The following AFAP1L2 variants were observed in gnomAD, a reference collection of about 807,000 sequenced individuals.
AFAP1L2 encodes the protein actin filament associated protein 1 like 2.
Under a neutral mutation model 99.3 loss-of-function variants are expected in AFAP1L2, and 46 were observed. That is an observed-to-expected ratio of 0.46 (90% CI 0.37 to 0.59). The LOEUF (loss-of-function observed/expected upper bound fraction) is 0.59. AFAP1L2 is among the 20% of genes least tolerant of loss of function. AFAP1L2 has a pLI of 0.00. For missense variants in AFAP1L2, 959 were observed against 1,034.9 expected (o/e 0.93, Z 1.01); for synonymous variants, 397 against 419.1 (o/e 0.95, Z 0.64).
chr10:114,372,919 T>C (rs1348006461), intron 1 of AFAP1L2, among the ~76,000 whole-genome samples: 4 of 152,268 alleles, frequency 2.6e-5, no homozygotes, highest in Non-Finnish European at 5.9e-5. Context: ...TTTCACTTGC[T>C]AATGTGCCTT....
Position 114,297,352 on chromosome 10 carries a change from G to T in AFAP1L2, c.2175C>A (p.Gly725=). Residue 725 remains glycine (G), a synonymous_variant, in exon 17 of 19, where the codon GGC becomes GGA. Coordinates refer to ENST00000304129, the MANE Select transcript of AFAP1L2 (RefSeq NM_001001936.3). ...KLKEIDEECR[G]EESRRVDLEL... is the part of the protein sequence containing the mutation. ...CCAGGTCCACGCGCCTGCTCTCCTC[G>T]CCCCGGCACTCCTCGTCAATTTCCT... is the stretch of plus-strand genomic sequence containing the variant. 6.2e-7 allele frequency: 1 copy of T among 1,613,628 alleles called. No individual in the cohort carries two copies. Among genetic ancestry groups the T allele is most frequent in the Non-Finnish European group, 8.5e-7 (1 of 1,180,000 alleles).
At position 114,386,387 on chromosome 10, in the gene AFAP1L2, C is replaced by T. The variant is rs562655509; in HGVS notation, c.16+18053G>A. 1.5e-4 allele frequency among the ~76,000 whole-genome samples: 23 copies of T among 151,828 alleles called. No individual in the cohort carries two copies. The East Asian group carries it at 4.1e-3, about 27-fold the overall frequency. ...CTGCACTCCAGACTGGGCAACAGAG[C>T]AAAACCCCATCTCCAAAAAAAGAAA... On this transcript the variant is annotated intron_variant, in intron 1 of 18. Coordinates refer to ENST00000304129, the MANE Select transcript of AFAP1L2 (RefSeq NM_001001936.3).
At chr10:114,306,326 C>CGCGGGGGCAGGAGGGGAG (rs2042397604) in intron 10 of AFAP1L2, among the ~76,000 whole-genome samples, 2 of 47,386 alleles carry the variant, frequency 4.2e-5, no homozygotes, top group African/African-American at 2.5e-4. Context: ...CAGGAGGGGA[C>CGCGGGGGCAGGAGGGGAG]GCGGGGGCAG....
At chr10:114,310,021 G>A (rs1013125801) in intron 8 of AFAP1L2, among the ~76,000 whole-genome samples, 1 of 152,092 alleles carries the variant, frequency 6.6e-6, no homozygotes, top group Non-Finnish European at 1.5e-5. Context: ...TCCGCCTCCT[G>A]GGTTCAAGTG....
intron 1 of AFAP1L2, among the ~76,000 whole-genome samples, chr10:114,393,946 C>T (rs1178920784): frequency 6.6e-6 from 1 of 152,230 alleles, no homozygotes; most frequent in Non-Finnish European, 1.5e-5. Context: ...CCTGGGAGGA[C>T]ACCAGTCCCT....
intron 1 of AFAP1L2, among the ~76,000 whole-genome samples, chr10:114,384,801 G>T (rs1002259335): frequency 2.6e-5 from 4 of 152,180 alleles, no homozygotes; most frequent in Non-Finnish European, 5.9e-5. Context: ...TCCTCCATGT[G>T]CCCACAGCAG....
intron 1 of AFAP1L2, among the ~76,000 whole-genome samples, chr10:114,401,119 G>A (rs916087705): frequency 2.6e-5 from 4 of 152,032 alleles, no homozygotes; most frequent in African/African-American, 7.3e-5. Context: ...CTAAGCGGGG[G>A]GACTGGATGA....
At chr10:114,310,266 T>C in intron 8 of AFAP1L2, 88 bp downstream of exon 8, 3 of 1,351,098 alleles carry the variant, frequency 2.2e-6, no homozygotes, top group Non-Finnish European at 3.1e-6. Context: ...GACTGAAATA[T>C]AAAAACGAAG....
chr10:114,389,265 A>T (rs1215954105), intron 1 of AFAP1L2, among the ~76,000 whole-genome samples: 2 of 152,144 alleles, frequency 1.3e-5, no homozygotes, highest in Non-Finnish European at 2.9e-5. Context: ...GGATTTTTTT[A>T]AAAAAGAAAG....
At chr10:114,376,461 G>A (rs2054813294) in intron 1 of AFAP1L2, among the ~76,000 whole-genome samples, 1 of 152,196 alleles carries the variant, frequency 6.6e-6, no homozygotes, top group South Asian at 2.1e-4. Context: ...CTAGCATATA[G>A]ACAGTCTAGA....
intron 18 of AFAP1L2, 171 bp downstream of exon 18, chr10:114,296,807 C>T: frequency 3.6e-6 from 4 of 1,121,900 alleles, no homozygotes; most frequent in South Asian, 1.5e-5. Flanking sequence ...TTGGTCAGTG[C>T]CAGAGACTGA....
intron 2 of AFAP1L2, 101 bp downstream of exon 2, chr10:114,340,502 A>G: frequency 6.9e-7 from 1 of 1,438,974 alleles, no homozygotes; most frequent in Non-Finnish European, 9.4e-7. Flanking sequence ...AGTGTCATTT[A>G]TAGCACCCAG....
Position 114,379,961 on chromosome 10 carries a change from C to A in AFAP1L2, c.16+24479G>T, listed in dbSNP as rs1409829719. 3.3e-5 allele frequency among the ~76,000 whole-genome samples: 5 copies of A among 152,224 alleles called. No homozygotes were observed. In the South Asian group the frequency reaches 6.2e-4, roughly 19 times the overall value. ...CTTTGTATGTTTTCTGTGGCAAATG[C>A]TTTTGCTATCCCTTTGTGAGGCGGC... is the stretch of plus-strand genomic sequence containing the variant. On this transcript the variant is annotated intron_variant, in intron 1 of 18. Coordinates refer to ENST00000304129, the MANE Select transcript of AFAP1L2 (RefSeq NM_001001936.3).
chr10:114,329,173 CA>C (rs1366231395), intron 4 of AFAP1L2, among the ~76,000 whole-genome samples: 1 of 152,148 alleles, frequency 6.6e-6, no homozygotes, highest in African/African-American at 2.4e-5. Flanking sequence ...AACAGGGACA[CA>C]AGCCCTAGTC....
At chr10:114,384,188 C>A (rs2056158733) in intron 1 of AFAP1L2, among the ~76,000 whole-genome samples, 1 of 152,166 alleles carries the variant, frequency 6.6e-6, no homozygotes, top group Non-Finnish European at 1.5e-5. Context: ...GTGAGAGGCA[C>A]CATCATTCAC....
chr10:114,365,243 C>A (rs2053048858), intron 1 of AFAP1L2, among the ~76,000 whole-genome samples: 1 of 152,140 alleles, frequency 6.6e-6, no homozygotes, highest in Non-Finnish European at 1.5e-5. Flanking sequence ...TGTTCTCTTC[C>A]ATTCCCAACC....
chr10:114,300,775 CTGG>C (rs1405364369), intron 13 of AFAP1L2, 85 bp from the exon 14 acceptor site: 14 of 1,498,798 alleles, frequency 9.3e-6, no homozygotes, highest in Non-Finnish European at 1.3e-5. Context: ...CCTCACAGTT[CTGG>C]TGCCCATCTC....
At chr10:114,314,653 A>C (rs2043823679) in intron 6 of AFAP1L2, among the ~76,000 whole-genome samples, 1 of 152,244 alleles carries the variant, frequency 6.6e-6, no homozygotes, top group Non-Finnish European at 1.5e-5. Context: ...TAACCAGGCA[A>C]GAAAAGGTGT....
intron 5 of AFAP1L2, among the ~76,000 whole-genome samples, chr10:114,318,508 G>A (rs1486949338): frequency 2.0e-5 from 3 of 152,092 alleles, no homozygotes; most frequent in Non-Finnish European, 4.4e-5. Flanking sequence ...GGAGGCCAAG[G>A]CGGGTGGATC....
Sources: allele counts gnomAD v4.1 joint callset (sites outside exome capture counted in the v4.1 genomes callset), GRCh38; gene constraint gnomAD v4.1.1; transcripts MANE v1.5; gene names NCBI Gene and HGNC (gene_info 2026-07-23, HGNC 2026-07-21).